Variants in NRXN1 observed in about 807,000 individuals in gnomAD.
The protein encoded by NRXN1 is neurexin 1.
Under a neutral mutation model 150.9 loss-of-function variants are expected in NRXN1, and 39 were observed. The ratio of observed to expected loss-of-function variants is 0.26; its 90% confidence interval spans 0.20 to 0.34. The LOEUF (loss-of-function observed/expected upper bound fraction) is 0.34, where lower values mean the gene tolerates loss of function less well. Ranked by LOEUF, NRXN1 falls within the 10% of genes least tolerant of loss-of-function variation. NRXN1 has a pLI of 1.00. For synonymous variants in NRXN1, 924 were observed against 757.0 expected, an observed-to-expected ratio of 1.22 and a Z score of -3.62; for missense variants, 1,815 against 1,949.9, an observed-to-expected ratio of 0.93 and a Z score of 1.30.
chr2:50,164,244 A>G (rs1033954020), intron 18 of NRXN1, among the ~76,000 whole-genome samples: 2 of 152,186 alleles, frequency 1.3e-5, no homozygotes, highest in African/African-American at 4.8e-5. Context: ...CAATGAGAGA[A>G]ACTGTTTCAG....
intron 17 of NRXN1, among the ~76,000 whole-genome samples, chr2:50,411,744 G>A (rs918219351): frequency 3.3e-5 from 5 of 151,890 alleles, no homozygotes; most frequent in South Asian, 2.1e-4. Flanking sequence ...GGTGGGGGGC[G>A]CCTCTGCCCG....
chr2:50,076,130 T>A, intron 19 of NRXN1, among the ~76,000 whole-genome samples: 1 of 152,220 alleles, frequency 6.6e-6, no homozygotes. Context: ...TCTTTCTTAG[T>A]AATGTCTTCA....
At chr2:50,286,127 A>C (rs926597554) in intron 17 of NRXN1, among the ~76,000 whole-genome samples, 1 of 152,166 alleles carries the variant, frequency 6.6e-6, no homozygotes. Flanking sequence ...CATAGTTATC[A>C]TTTTTGTGAT....
chr2:50,538,151 G>T, intron 10 of NRXN1, 102 bp downstream of exon 10: 2 of 1,318,082 alleles, frequency 1.5e-6, no homozygotes, highest in South Asian at 1.5e-5. Flanking sequence ...GTTTACTTCA[G>T]TAGAGTATAC....
intron 5 of NRXN1, among the ~76,000 whole-genome samples, chr2:50,826,232 G>A (rs1449695078): frequency 6.6e-6 from 1 of 152,164 alleles, no homozygotes; most frequent in East Asian, 1.9e-4. Context: ...CATCTGAGCT[G>A]AGAGTGAAAT....
chr2:50,925,511 C>A (rs1686727106), intron 3 of NRXN1, among the ~76,000 whole-genome samples: 1 of 151,736 alleles, frequency 6.6e-6, no homozygotes, highest in Non-Finnish European at 1.5e-5. Context: ...TCATTTTAAA[C>A]AAACCAATGG....
At chr2:50,534,335 C>T (rs989449516) in intron 10 of NRXN1, among the ~76,000 whole-genome samples, 1 of 152,046 alleles carries the variant, frequency 6.6e-6, no homozygotes, top group Non-Finnish European at 1.5e-5. Flanking sequence ...AAAACAGGGG[C>T]CTCATGGTTA....
At chr2:50,298,962 C>T (rs992409171) in intron 17 of NRXN1, among the ~76,000 whole-genome samples, 1 of 152,082 alleles carries the variant, frequency 6.6e-6, no homozygotes, top group Admixed American at 6.5e-5. Flanking sequence ...ATGTAATGTC[C>T]TGTCTTCCAT....
chr2:50,474,199 A>T (rs2089773044), intron 15 of NRXN1, among the ~76,000 whole-genome samples: 2 of 151,690 alleles, frequency 1.3e-5, no homozygotes, highest in African/African-American at 4.8e-5. Context: ...TCTCACTTAA[A>T]TTTCAGGCCA....
chr2:50,421,353 A>G (rs964420485), intron 17 of NRXN1, among the ~76,000 whole-genome samples: 3 of 152,118 alleles, frequency 2.0e-5, no homozygotes, highest in African/African-American at 7.2e-5. Context: ...AAATGGAGCG[A>G]CATTAAAATA....
intron 5 of NRXN1, among the ~76,000 whole-genome samples, chr2:50,892,766 T>A (rs1681272440): frequency 6.6e-6 from 1 of 152,204 alleles, no homozygotes; most frequent in African/African-American, 2.4e-5. Flanking sequence ...AACATATGTA[T>A]GTAAACACAT....
chr2:50,222,637 T>C (rs1264820320), intron 18 of NRXN1, among the ~76,000 whole-genome samples: 3 of 152,046 alleles, frequency 2.0e-5, no homozygotes, highest in African/African-American at 7.2e-5. Flanking sequence ...ATACCCATCA[T>C]TAGGGTCTGC....
chr2:50,685,383 C>A (rs1691071826), intron 5 of NRXN1, among the ~76,000 whole-genome samples: 2 of 152,148 alleles, frequency 1.3e-5, no homozygotes, highest in Non-Finnish European at 2.9e-5. Context: ...TCTGACCTTA[C>A]TGCCATATCA....
intron 5 of NRXN1, among the ~76,000 whole-genome samples, chr2:50,653,976 CT>C (rs35931647): frequency 0.3 from 37,598 of 127,172 alleles, 6,034 homozygotes; most frequent in Non-Finnish European, 0.4. Context: ...GCCTTTTCAT[CT>C]TTTTTTTTTT....
In NRXN1 at chr2:50,329,296, T is replaced by C. The variant is rs143722508; in HGVS notation, c.3365-92326A>G. ...GTGAAATACAATTGGCAAATCCACA[T>C]GTGAAGATGTTCAAACGCAGTAGAA... On this transcript the variant is annotated intron_variant, in intron 17 of 22. Transcript: ENST00000401669. 3.9e-3 allele frequency among the ~76,000 whole-genome samples: 596 copies of C among 151,964 alleles called. 3 individuals are homozygous for C. Among genetic ancestry groups the C allele is most frequent in the African/African-American group, 0.014 (569 of 41,476 alleles).
At chr2:50,979,211 C>T (rs1696384518) in intron 2 of NRXN1, 1 of 512,422 alleles carries the variant, frequency 2.0e-6, no homozygotes, top group Admixed American at 2.0e-5. Context: ...AAGCGATTTC[C>T]TCTGTGATAT....
At chr2:50,222,656 T>A (rs960274337) in intron 18 of NRXN1, among the ~76,000 whole-genome samples, 1 of 151,968 alleles carries the variant, frequency 6.6e-6, no homozygotes, top group Non-Finnish European at 1.5e-5. Context: ...GCTACCCTCA[T>A]AACATGTAGC....
At chr2:50,456,536 C>T (rs896974021) in intron 17 of NRXN1, among the ~76,000 whole-genome samples, 2 of 152,100 alleles carry the variant, frequency 1.3e-5, no homozygotes, top group Non-Finnish European at 2.9e-5. Flanking sequence ...ATTAAAGACA[C>T]AGAATGCTTT....
intron 18 of NRXN1, among the ~76,000 whole-genome samples, chr2:50,150,092 T>G (rs2058608913): frequency 6.6e-6 from 1 of 151,754 alleles, no homozygotes; most frequent in African/African-American, 2.4e-5. Context: ...AAATAGATAA[T>G]TCTCCTTTAA....
Sources: allele counts gnomAD v4.1 joint callset (sites outside exome capture counted in the v4.1 genomes callset), GRCh38; gene constraint gnomAD v4.1.1; transcripts MANE v1.5; gene names NCBI Gene and HGNC (gene_info 2026-07-23, HGNC 2026-07-21).